Variants in PRKCA observed in about 807,000 individuals in gnomAD.
PRKCA encodes protein kinase C alpha, also known as protein kinase C alpha type.
A neutral mutation model predicts 87.0 loss-of-function variants in PRKCA; 27 were observed. That is an observed-to-expected ratio of 0.31 (90% CI 0.23 to 0.43). The LOEUF (loss-of-function observed/expected upper bound fraction) is 0.43. Among genes scored for constraint, PRKCA ranks in the 20% least tolerant of loss-of-function variants. PRKCA has a pLI of 1.00. For synonymous variants in PRKCA, 329 were observed against 311.1 expected (o/e 1.06, Z -0.61); for missense variants, 518 against 852.3 (o/e 0.61, Z 4.88).
intron 2 of PRKCA, among the ~76,000 whole-genome samples, chr17:66,321,501 T>C (rs1360471773): frequency 6.6e-6 from 1 of 152,214 alleles, no homozygotes; most frequent in Non-Finnish European, 1.5e-5. Context: ...TGGATGTTAT[T>C]GTCTTTTTTG....
At chr17:66,730,532 C>T (rs1472938759) in intron 8 of PRKCA, among the ~76,000 whole-genome samples, 1 of 152,142 alleles carries the variant, frequency 6.6e-6, no homozygotes, top group Non-Finnish European at 1.5e-5. Flanking sequence ...GAGGATTCCC[C>T]TTTCACACCA....
At chr17:66,576,949 A>G (rs1969257209) in intron 3 of PRKCA, among the ~76,000 whole-genome samples, 1 of 146,558 alleles carries the variant, frequency 6.8e-6, no homozygotes, top group Non-Finnish European at 1.5e-5. Flanking sequence ...ATCTTGGCTC[A>G]CTGCAGCCTC....
Position 66,738,772 on chromosome 17 carries a change from G to C in PRKCA, c.1239G>C (p.Leu413=). Reference sequence around the variant, plus strand: ...TGAACCTTGGTCTGCAGGATCGGCTGTACTTCGTCATGGAATATGTCAACG... The same window carrying C: ...TGAACCTTGGTCTGCAGGATCGGCTCTACTTCGTCATGGAATATGTCAACG... ...LHSCFQTVDR[L]YFVMEYVNGG... Residue 413 remains leucine, a synonymous_variant, in exon 11 of 17, where the codon CTG becomes CTC. Transcript: ENST00000413366. The C allele has an allele frequency of 6.2e-7, 1 of 1,613,698 alleles. No homozygotes were observed. Among genetic ancestry groups the C allele is most frequent in the Non-Finnish European group, 8.5e-7 (1 of 1,179,868 alleles).
chr17:66,394,281 C>T (rs1454061362), intron 2 of PRKCA, among the ~76,000 whole-genome samples: 2 of 152,178 alleles, frequency 1.3e-5, no homozygotes, highest in Non-Finnish European at 2.9e-5. Flanking sequence ...GGGTGCTCAT[C>T]TCACACCTCC....
chr17:66,454,880 T>G (rs1914509273), intron 2 of PRKCA, among the ~76,000 whole-genome samples: 1 of 152,232 alleles, frequency 6.6e-6, no homozygotes, highest in Admixed American at 6.5e-5. Context: ...CTACTGGAGA[T>G]TCCTTCCTTT....
intron 5 of PRKCA, among the ~76,000 whole-genome samples, chr17:66,670,584 G>A (rs762242927): frequency 1.1e-4 from 17 of 152,070 alleles, no homozygotes; most frequent in East Asian, 3.9e-4. Flanking sequence ...AATTTTGGCC[G>A]GGCATTGTGG....
At chr17:66,604,337 T>C (rs746927205) in intron 3 of PRKCA, among the ~76,000 whole-genome samples, 3 of 152,206 alleles carry the variant, frequency 2.0e-5, no homozygotes, top group African/African-American at 2.4e-5. Flanking sequence ...TTAGTAGATA[T>C]TGCGGGAGTC....
At chr17:66,754,797 T>C (rs1324977053) in intron 13 of PRKCA, among the ~76,000 whole-genome samples, 1 of 152,102 alleles carries the variant, frequency 6.6e-6, no homozygotes, top group Non-Finnish European at 1.5e-5. Context: ...GAGTGGAATC[T>C]CAGGGGTCCA....
chr17:66,358,066 A>T (rs1258500261), intron 2 of PRKCA, among the ~76,000 whole-genome samples: 1 of 152,222 alleles, frequency 6.6e-6, no homozygotes, highest in African/African-American at 2.4e-5. Context: ...TAACTTTATA[A>T]TTAGATCTCT....
At chr17:66,430,143 C>T (rs1598664705) in intron 2 of PRKCA, among the ~76,000 whole-genome samples, 1 of 152,082 alleles carries the variant, frequency 6.6e-6, no homozygotes. Flanking sequence ...GGGAACTGGC[C>T]CTCATCCTCC....
At chr17:66,448,425 T>C (rs1363034012) in intron 2 of PRKCA, among the ~76,000 whole-genome samples, 4 of 152,208 alleles carry the variant, frequency 2.6e-5, no homozygotes, top group Non-Finnish European at 4.4e-5. Context: ...CGTTAGGCTC[T>C]TCTTGAGCCC....
Position 66,806,285 on chromosome 17 carries a change from G to A in PRKCA, c.*2248G>A, listed in dbSNP as rs1269253371. ...AACCATGAAAGGCTTTTTGAGGTGAGAGGCCCAGGTGGTCCTGGCAACCCT... is the reference window on the plus strand; with the variant it reads ...AACCATGAAAGGCTTTTTGAGGTGAAAGGCCCAGGTGGTCCTGGCAACCCT... On this transcript the variant is annotated 3_prime_UTR_variant, in exon 17 of 17. Coordinates refer to ENST00000413366, the MANE Select transcript of PRKCA (RefSeq NM_002737.3). 6.6e-6 allele frequency: 1 copy of A among 152,288 alleles called. No individual in the cohort carries two copies. The highest frequency in any genetic ancestry group is 1.5e-5 in the Non-Finnish European group (1 of 68,086). The allele number at this position is 152,288 out of a possible 1,614,324, so 9.4% of individuals were successfully genotyped here.
At chr17:66,548,925 A>C (rs1230335828) in intron 3 of PRKCA, among the ~76,000 whole-genome samples, 2 of 151,822 alleles carry the variant, frequency 1.3e-5, no homozygotes, top group Non-Finnish European at 2.9e-5. Flanking sequence ...TTCCTGCCTC[A>C]GCCTCCTGAG....
chr17:66,534,807 A>G (rs558299005), intron 3 of PRKCA, among the ~76,000 whole-genome samples: 1 of 152,320 alleles, frequency 6.6e-6, no homozygotes, highest in East Asian at 1.9e-4. Flanking sequence ...TCTCTCCTGT[A>G]TGATTCTTTA....
rs78795085 is a variant in PRKCA, at chr17:66,440,474, G to A, written c.206-55727G>A. 2.7e-3 allele frequency among the ~76,000 whole-genome samples: 415 copies of A among 152,306 alleles called. 3 individuals are homozygous for A. Among genetic ancestry groups the A allele is most frequent in the African/African-American group, 9.1e-3 (379 of 41,560 alleles). ...CTAGAGTCCTAAGATAGACTTTGCT[G>A]ACAAGAAGAGGCCCCTGCCCCTTCA... On this transcript the variant is annotated intron_variant, in intron 2 of 16. Transcript: ENST00000413366.
At chr17:66,707,261 T>G (rs7217618) in intron 8 of PRKCA, among the ~76,000 whole-genome samples, 19 of 152,116 alleles carry the variant, frequency 1.2e-4, no homozygotes, top group African/African-American at 4.1e-4. Flanking sequence ...CCTTGACTTA[T>G]GCAGTCTAAA....
chr17:66,452,869 CAAACAAACAAAA>C (rs1452103015), intron 2 of PRKCA, among the ~76,000 whole-genome samples: 2 of 152,088 alleles, frequency 1.3e-5, no homozygotes, highest in East Asian at 1.9e-4. Flanking sequence ...GTCTCAAAAA[CAAACAAACAAAA>C]AAACAAACAA....
chr17:66,644,416 T>G (rs1158145024), intron 4 of PRKCA, among the ~76,000 whole-genome samples: 1 of 152,180 alleles, frequency 6.6e-6, no homozygotes, highest in African/African-American at 2.4e-5. Context: ...CTTCCCTCCT[T>G]CTGGAAGCCT....
intron 8 of PRKCA, among the ~76,000 whole-genome samples, chr17:66,701,901 T>C (rs905112008): frequency 1.1e-4 from 16 of 152,262 alleles, no homozygotes; most frequent in African/African-American, 3.4e-4. Context: ...AGAGACAGTA[T>C]GGATGTCTCT....
Sources: allele counts gnomAD v4.1 joint callset (sites outside exome capture counted in the v4.1 genomes callset), GRCh38; gene constraint gnomAD v4.1.1; transcripts MANE v1.5; gene names NCBI Gene and HGNC (gene_info 2026-07-23, HGNC 2026-07-21).